Variants in ASPH observed in about 807,000 individuals in gnomAD.
ASPH encodes the protein aspartate beta-hydroxylase, also known as aspartyl/asparaginyl beta-hydroxylase.
In ASPH, 100 loss-of-function variants were observed where a neutral mutation model predicts 118.4. That is an observed-to-expected ratio of 0.84 (90% CI 0.72 to 1.00). The LOEUF (loss-of-function observed/expected upper bound fraction) is 1.00. ASPH is among the 50% of genes least tolerant of loss of function. The probability of loss-of-function intolerance (pLI) is 0.00; values close to 1 mark genes in which losing one functional copy is unlikely to be tolerated. For synonymous variants in ASPH, 315 were observed against 325.6 expected (o/e 0.97, Z 0.35); for missense variants, 920 against 919.5 (o/e 1.00, Z -0.01).
At chr8:61,662,335 C>T (rs1308110785) in intron 3 of ASPH, among the ~76,000 whole-genome samples, 2 of 152,134 alleles carry the variant, frequency 1.3e-5, no homozygotes, top group East Asian at 3.8e-4. Context: ...AATAAACTTA[C>T]ATTTTTAGTA....
At chr8:61,673,193 C>G (rs1346564887) in intron 3 of ASPH, among the ~76,000 whole-genome samples, 2 of 152,196 alleles carry the variant, frequency 1.3e-5, no homozygotes, top group African/African-American at 2.4e-5. Context: ...GGACAGCCCA[C>G]TATTCCATAT....
intron 3 of ASPH, chr8:61,664,879 C>T (rs751761976): frequency 3.4e-5 from 34 of 1,000,740 alleles, no homozygotes; most frequent in Non-Finnish European, 4.0e-5. Context: ...ATTTAGCATA[C>T]TTGAAAAAGT....
intron 14 of ASPH, among the ~76,000 whole-genome samples, chr8:61,590,039 T>A (rs1331385041): frequency 1.3e-5 from 2 of 152,090 alleles, no homozygotes; most frequent in Non-Finnish European, 2.9e-5. Context: ...GGTTTTTTTG[T>A]TTGTTTTTTG....
chr8:61,546,566 A>G (rs75892210), intron 21 of ASPH, among the ~76,000 whole-genome samples: 1 of 152,220 alleles, frequency 6.6e-6, no homozygotes, highest in East Asian at 1.9e-4. Context: ...TAAAAAATCA[A>G]TCTGTATTAA....
At chr8:61,514,732 A>G (rs1810231593) in intron 24 of ASPH, among the ~76,000 whole-genome samples, 1 of 151,858 alleles carries the variant, frequency 6.6e-6, no homozygotes, top group African/African-American at 2.4e-5. Context: ...AACAAAAACA[A>G]AAAAACTTGT....
chr8:61,657,177 A>T (rs948537256), intron 3 of ASPH: 1 of 152,192 alleles, frequency 6.6e-6, no homozygotes, highest in African/African-American at 2.4e-5. Context: ...TGGCAAAAGG[A>T]CTCACTGATA....
intron 21 of ASPH, among the ~76,000 whole-genome samples, chr8:61,528,075 C>A (rs1046127387): frequency 1.3e-5 from 2 of 152,188 alleles, no homozygotes; most frequent in South Asian, 4.1e-4. Context: ...ACATCTACAC[C>A]TGCTACTACC....
rs974079819 is a variant in ASPH, at chr8:61,618,910, T to C, written c.976+68A>G. The stretch of plus-strand genomic sequence containing the variant: ...GACATAAAATCATGTTATTCTTGGA[T>C]GGAACATAAAATCATGTTATTCTTT... On this transcript the variant is annotated intron_variant, in intron 14 of 24. Coordinates refer to ENST00000379454, the MANE Select transcript of ASPH (RefSeq NM_004318.4). 1.6e-5 allele frequency: 21 copies of C among 1,352,406 alleles called. No homozygotes were observed. The East Asian group carries it at 2.8e-4, about 18-fold the overall frequency. 83.8% of individuals were successfully genotyped at this position (1,352,406 alleles called of 1,614,324 possible).
chr8:61,585,062 T>C (rs1838966870), intron 14 of ASPH, among the ~76,000 whole-genome samples: 1 of 152,226 alleles, frequency 6.6e-6, no homozygotes. Context: ...CTTATCTTAG[T>C]CCTAACTCTT....
At position 61,670,105 on chromosome 8, in the gene ASPH, ATAATT is replaced by A. The variant is rs140647537; in HGVS notation, c.322+10858_322+10862del. 4.2e-4 allele frequency among the ~76,000 whole-genome samples: 64 copies of A among 152,224 alleles called. 1 individual carries two copies. The East Asian group carries it at 0.012, about 28-fold the overall frequency. ...TTTTGACATAAAAAGGACCAAGCTA[ATAATT>A]TAAACAATTATTACATTCAGTTTCT... On this transcript the variant is annotated intron_variant, in intron 3 of 24. Transcript: ENST00000379454.
chr8:61,556,137 G>C, intron 18 of ASPH, 115 bp from the exon 19 acceptor site: 7 of 825,354 alleles, frequency 8.5e-6, no homozygotes, highest in Non-Finnish European at 1.3e-5. Context: ...ACTTGGATTG[G>C]ATTATGATGT....
chr8:61,517,599 G>A lies in ASPH; in HGVS notation c.2055C>T (p.Cys685=). The part of the protein sequence containing the change: ...HVWPHTGPTN[C]RLRMHLGLVI... ...CCAAGCCCAGGTGCATTCGGAGCCT[G>A]CAGTTTGTGGGCCCTGTGTGCGGCC... is the stretch of plus-strand genomic sequence containing the variant. Residue 685 remains cysteine, a synonymous_variant, in exon 24 of 25, where the codon TGC becomes TGT. Transcript: ENST00000379454. The A allele has an allele frequency of 6.2e-7, 1 of 1,614,154 alleles. No homozygotes were observed. The highest frequency in any genetic ancestry group is 8.5e-7 in the Non-Finnish European group (1 of 1,179,988).
intron 2 of ASPH, among the ~76,000 whole-genome samples, chr8:61,682,240 G>A (rs906044255): frequency 6.6e-6 from 1 of 152,002 alleles, no homozygotes; most frequent in Admixed American, 6.6e-5. Context: ...AAAACAAAAA[G>A]TACTAATCAA....
At chr8:61,647,553 C>G (rs1452934456) in intron 5 of ASPH, among the ~76,000 whole-genome samples, 1 of 152,052 alleles carries the variant, frequency 6.6e-6, no homozygotes, top group Non-Finnish European at 1.5e-5. Context: ...TGCCTGTAGT[C>G]CCAGCTACTT....
chr8:61,691,605 C>A (rs1318357926), intron 1 of ASPH, among the ~76,000 whole-genome samples: 2 of 152,250 alleles, frequency 1.3e-5, no homozygotes, highest in East Asian at 1.9e-4. Context: ...ATGGGTGAGA[C>A]CACTAGAAAC....
chr8:61,548,140 G>A lies in ASPH; in HGVS notation c.1695C>T (p.Tyr565=), dbSNP rs781508063. ...GCTGTGCTTTCAGTCCATTCACATTGTAGAGTGAGCGTTGCCAGACAGATG... is the reference window on the plus strand; with the variant it reads ...GCTGTGCTTTCAGTCCATTCACATTATAGAGTGAGCGTTGCCAGACAGATG... The part of the protein sequence containing the change: ...HFASVWQRSL[Y]NVNGLKAQPW... Residue 565 remains tyrosine, a synonymous_variant, in exon 21 of 25, where the codon TAC becomes TAT. Coordinates refer to ENST00000379454, the MANE Select transcript of ASPH (RefSeq NM_004318.4). 7 of 1,613,856 alleles carry A rather than the reference G, an allele frequency of 4.3e-6. No homozygotes were observed. The East Asian group carries it at 6.7e-5, about 15-fold the overall frequency.
chr8:61,669,673 C>T (rs1350575899), intron 3 of ASPH, among the ~76,000 whole-genome samples: 4 of 152,104 alleles, frequency 2.6e-5, no homozygotes, highest in South Asian at 2.1e-4. Flanking sequence ...AACACATTAG[C>T]ATAAAACATT....
At chr8:61,686,341 T>C (rs1417604294) in intron 1 of ASPH, among the ~76,000 whole-genome samples, 1 of 152,178 alleles carries the variant, frequency 6.6e-6, no homozygotes, top group Non-Finnish European at 1.5e-5. Context: ...TGAGAATGTC[T>C]GCAATGTTGG....
At chr8:61,562,686 A>G (rs1830419661) in intron 18 of ASPH, 58 bp downstream of exon 18, 1 of 1,434,700 alleles carries the variant, frequency 7.0e-7, no homozygotes, top group Admixed American at 2.5e-5. Flanking sequence ...TAATAAATGT[A>G]ATTTGCAAAT....
Sources: gnomAD v4.1 joint callset for allele counts (sites outside exome capture counted in the v4.1 genomes callset) on GRCh38, gnomAD v4.1.1 for gene constraint, MANE v1.5 for transcripts, NCBI Gene and HGNC (gene_info 2026-07-23, HGNC 2026-07-21) for gene names.